SLC8A2: variants seen among roughly 807,000 people sequenced by gnomAD.
The protein encoded by SLC8A2 is solute carrier family 8 member A2, also known as sodium/calcium exchanger 2.
A neutral mutation model predicts 70.2 loss-of-function variants in SLC8A2; 14 were observed. The observed-to-expected ratio is 0.20, with a 90% confidence interval of 0.13 to 0.31. SLC8A2 has a LOEUF of 0.31. Ranked by LOEUF, SLC8A2 falls within the 10% of genes least tolerant of loss-of-function variation. The pLI, the probability that SLC8A2 is intolerant of heterozygous loss-of-function variation, is 1.00. For synonymous variants in SLC8A2, 575 were observed against 594.3 expected (o/e 0.97, Z 0.47); for missense variants, 779 against 1,320.1 (o/e 0.59, Z 6.35).
At chr19:47,456,246 CTG>C (rs1341090271) in intron 3 of SLC8A2, among the ~76,000 whole-genome samples, 1 of 152,232 alleles carries the variant, frequency 6.6e-6, no homozygotes, top group East Asian at 1.9e-4. Context: ...GGTGTGAAGA[CTG>C]AGAGTTTGTC....
chr19:47,456,788 C>T, intron 3 of SLC8A2, 142 bp downstream of exon 3: 1 of 893,454 alleles, frequency 1.1e-6, no homozygotes, highest in South Asian at 1.9e-5. Flanking sequence ...ACAAAGCAGG[C>T]TCTCAGGAAT....
chr19:47,448,263 G>A lies in SLC8A2; in HGVS notation c.1341-32C>T, dbSNP rs1484178181. Reference sequence around the variant, plus strand: ...CGGGGTGGGGAGGGGGAAGAGCGGGGTGAGGGTCGGTCATCGGCTGTGTGT... The same window carrying A: ...CGGGGTGGGGAGGGGGAAGAGCGGGATGAGGGTCGGTCATCGGCTGTGTGT... On this transcript the variant is annotated intron_variant, in intron 3 of 9. Transcript: ENST00000236877. The surrounding 1 kb of genome is among the most constrained non-coding windows in gnomAD (Gnocchi z 4.8). 6 of 1,543,250 alleles carry A rather than the reference G, an allele frequency of 3.9e-6. No homozygotes were observed. In the East Asian group the frequency reaches 6.8e-5, roughly 17 times the overall value.
Position 47,465,296 on chromosome 19 carries a change from C to T in SLC8A2, c.675+433G>A, listed in dbSNP as rs754287297. On this transcript the variant is annotated intron_variant, in intron 2 of 9. Coordinates refer to ENST00000236877, the MANE Select transcript of SLC8A2 (RefSeq NM_015063.3). This position sits in a 1 kb window ranked among gnomAD's most constrained non-coding sequence, Gnocchi z 5.5. ...AATGGAGGATGTCTTATTGCAAAAGCGGGAATCAGTTATGCAAAAGGTAGG... is the reference window on the plus strand; with the variant it reads ...AATGGAGGATGTCTTATTGCAAAAGTGGGAATCAGTTATGCAAAAGGTAGG... 5.3e-5 allele frequency among the ~76,000 whole-genome samples: 8 copies of T among 152,138 alleles called. No individual in the cohort carries two copies. In the East Asian group the frequency reaches 5.8e-4, roughly 11 times the overall value.
chr19:47,442,104 AAAT>A (rs775298301), intron 4 of SLC8A2, among the ~76,000 whole-genome samples: 29 of 152,244 alleles, frequency 1.9e-4, no homozygotes, highest in Non-Finnish European at 3.4e-4. Flanking sequence ...CCATCTCAAA[AAAT>A]AATAATAATA....
chr19:47,431,731 G>A (rs1966965439), intron 9 of SLC8A2, among the ~76,000 whole-genome samples: 1 of 145,624 alleles, frequency 6.9e-6, no homozygotes, highest in Non-Finnish European at 1.5e-5. Context: ...TTTCTGTCAT[G>A]TCCCCCAACA....
In SLC8A2 at chr19:47,468,440, G is replaced by A. The variant is rs890397125; in HGVS notation, c.-16-2021C>T. ...GCCTCCCAAGTAGCGGGAAGTACAG[G>A]CGTGCGCCACCATGCCCAGCTAATT... On this transcript the variant is annotated intron_variant, in intron 1 of 9. Transcript: ENST00000236877. The surrounding 1 kb of genome is among the most constrained non-coding windows in gnomAD (Gnocchi z 5.1). Among the ~76,000 whole-genome samples, 3 of 152,180 alleles carry A rather than the reference G, an allele frequency of 2.0e-5. No individual in the cohort carries two copies. Among genetic ancestry groups the A allele is most frequent in the Non-Finnish European group, 4.4e-5 (3 of 68,028 alleles).
rs954752900 is a variant in SLC8A2 at position 47,468,194 on chromosome 19, C to T, written c.-16-1775G>A. Among the ~76,000 whole-genome samples the T allele has an allele frequency of 7.9e-5, 12 of 152,190 alleles. No homozygotes were observed. The highest frequency in any genetic ancestry group is 2.9e-4 in the African/African-American group (12 of 41,524). The stretch of plus-strand genomic sequence containing the variant: ...TCCCACCCTCTCCCCCTTGCCCAGT[C>T]TGCCTCAGCCACCCTCTCCTCCCCT... On this transcript the variant is annotated intron_variant, in intron 1 of 9. Transcript: ENST00000236877. The surrounding 1 kb of genome is among the most constrained non-coding windows in gnomAD (Gnocchi z 5.1).
Position 47,430,365 on chromosome 19 carries a change from C to G in SLC8A2, c.2490G>C (p.Leu830=). The G allele has an allele frequency of 6.2e-7, 1 of 1,612,000 alleles. No homozygotes were observed. The highest frequency in any genetic ancestry group is 8.5e-7 in the Non-Finnish European group (1 of 1,179,464). The change falls in exon 10 of 10, where the codon CTG becomes CTC. Residue 830 remains leucine, a synonymous_variant. Coordinates refer to ENST00000236877, the MANE Select transcript of SLC8A2 (RefSeq NM_015063.3). The surrounding 1 kb of genome is among the most constrained non-coding windows in gnomAD (Gnocchi z 5.9). ...GSNAVNVFLG[L]GVAWSVAAVY... ...CGGCGGCCACAGACCAGGCGACGCC[C>G]AGGCCAAGGAACACGTTCACCGCGT...
rs3745173 is a variant in SLC8A2 at position 47,429,131 on chromosome 19, G to T, written c.*958C>A. 0.63 allele frequency: 95,308 copies of T among 152,064 alleles called. 34,229 individuals are homozygous for T. Among genetic ancestry groups the T allele is most frequent in the Non-Finnish European group, 0.79 (53,541 of 67,944 alleles). 9.4% of individuals were successfully genotyped at this position (152,064 alleles called of 1,614,324 possible). ...GGATTGGCTGGCACTGAGGGCAAAA[G>T]GAACCTTCCAGATTGTCAGGGGAGA... On this transcript the variant is annotated 3_prime_UTR_variant, in exon 10 of 10. Transcript: ENST00000236877.
At chr19:47,441,481 G>A in intron 4 of SLC8A2, 41 bp from the exon 5 acceptor site, 1 of 1,261,152 alleles carries the variant, frequency 7.9e-7, no homozygotes, top group Non-Finnish European at 1.1e-6. Context: ...CTCAGTGTAA[G>A]GCCCCCTCCC....
chr19:47,471,545 C>A (rs1231871101), intron 1 of SLC8A2, among the ~76,000 whole-genome samples: 1 of 151,978 alleles, frequency 6.6e-6, no homozygotes, highest in East Asian at 1.9e-4. Context: ...GTGTCCTCGC[C>A]CCCCAGTACC....
rs935664322 is a variant in SLC8A2 at position 47,462,571 on chromosome 19, A to G, written c.675+3158T>C. On this transcript the variant is annotated intron_variant, in intron 2 of 9. Coordinates refer to ENST00000236877, the MANE Select transcript of SLC8A2 (RefSeq NM_015063.3). ...GAGCCTTTGCGCCCGGCCTATGTAT[A>G]TCTTTTTTAAATTTCTTTTTTTTTT... Among the ~76,000 whole-genome samples the G allele has an allele frequency of 8.2e-5, 11 of 134,258 alleles. 1 individual carries two copies. The highest frequency in any genetic ancestry group is 1.4e-4 in the Non-Finnish European group (9 of 62,916). The allele number at this position is 134,258 out of a possible 152,430, so 88.1% of individuals were successfully genotyped here.
intron 9 of SLC8A2, 182 bp downstream of exon 9, chr19:47,431,985 A>G (rs1255342775): frequency 3.8e-6 from 2 of 525,492 alleles, no homozygotes; most frequent in Non-Finnish European, 6.6e-6. Context: ...GGAGGATTCA[A>G]TTCACATCTT....
intron 2 of SLC8A2, among the ~76,000 whole-genome samples, 198 bp from the exon 3 acceptor site, chr19:47,457,792 T>TC (rs372564582): frequency 0.028 from 3,099 of 111,144 alleles, 59 homozygotes; most frequent in Middle Eastern, 0.049. Flanking sequence ...TTTTCTTTTC[T>TC]TTTCTCTTCC....
At chr19:47,441,252 T>C in intron 5 of SLC8A2, 66 bp from the exon 6 acceptor site, 1 of 1,600,828 alleles carries the variant, frequency 6.2e-7, no homozygotes, top group African/African-American at 1.3e-5. Flanking sequence ...TCCACGAGCT[T>C]TAAGGAGTGC....
rs1306358067 is a variant in SLC8A2, at chr19:47,430,404, G to A, written c.2451C>T (p.Asn817=). The stretch of plus-strand genomic sequence containing the variant: ...CGTTCACCGCGTTGGAGCCGGTCAC[G>A]TTGCCGATGGACGCGTCGGCGCACT... The part of the protein sequence containing the change: ...QDQCADASIG[N]VTGSNAVNVF... The change falls in exon 10 of 10, where the codon AAC becomes AAT. Residue 817 remains asparagine, a synonymous_variant. Coordinates refer to ENST00000236877, the MANE Select transcript of SLC8A2 (RefSeq NM_015063.3). The surrounding 1 kb of genome is among the most constrained non-coding windows in gnomAD (Gnocchi z 5.9). 3.1e-6 allele frequency: 5 copies of A among 1,609,828 alleles called. No homozygotes were observed. The highest frequency in any genetic ancestry group is 1.7e-5 in the Admixed American group (1 of 59,788).
chr19:47,441,768 C>T (rs1415799575), intron 4 of SLC8A2, among the ~76,000 whole-genome samples: 1 of 151,966 alleles, frequency 6.6e-6, no homozygotes, highest in African/African-American at 2.4e-5. Flanking sequence ...CCAGCCTGGG[C>T]AATATATTGA....
intron 2 of SLC8A2, among the ~76,000 whole-genome samples, chr19:47,463,273 C>T (rs1252079193): frequency 6.6e-6 from 1 of 150,704 alleles, no homozygotes; most frequent in Non-Finnish European, 1.5e-5. Context: ...GCTGGGACTA[C>T]AGGCGCCCGC....
chr19:47,431,322 C>T (rs534004786), intron 9 of SLC8A2, among the ~76,000 whole-genome samples: 1 of 152,222 alleles, frequency 6.6e-6, no homozygotes, highest in South Asian at 2.1e-4. Context: ...TGGCGTGAGC[C>T]ACCACACCCC....
Sources: allele counts gnomAD v4.1 joint callset (sites outside exome capture counted in the v4.1 genomes callset), GRCh38; gene constraint gnomAD v4.1.1; non-coding constraint Gnocchi (gnomAD v3.1); transcripts MANE v1.5; gene names NCBI Gene and HGNC (gene_info 2026-07-23, HGNC 2026-07-21).